The following OOSP4A variants were observed in gnomAD, a reference collection of about 807,000 sequenced individuals.
OOSP4A encodes oocyte secreted protein family member 4A, also known as oocyte-secreted protein 4A.
intron 2 of OOSP4A, among the ~76,000 whole-genome samples, 167 bp from the exon 3 acceptor site, chr11:59,966,900 C>T (rs374843108): frequency 7.9e-5 from 12 of 152,200 alleles, no homozygotes; most frequent in Admixed American, 5.2e-4. Context: ...ATTTTTATCA[C>T]TTAGCTCTGC....
intron 3 of OOSP4A, 112 bp from the exon 4 acceptor site, chr11:59,969,038 C>G: frequency 2.5e-6 from 1 of 394,910 alleles, no homozygotes; most frequent in Non-Finnish European, 4.5e-6. Context: ...GGCATTCTCT[C>G]ACAGCTGGAA....
rs1854110700 is a variant in OOSP4A, at chr11:59,967,282, T to C, written c.344+118T>C. 7.6e-6 allele frequency: 3 copies of C among 392,818 alleles called. No individual in the cohort carries two copies. The East Asian group carries it at 1.1e-4, about 14-fold the overall frequency. 24.3% of individuals were successfully genotyped at this position (392,818 alleles called of 1,614,324 possible). A position where few individuals can be genotyped will look rare whatever the true frequency, so the allele number is the denominator to read the frequency against. On this transcript the variant is annotated intron_variant, in intron 3 of 4. Transcript: ENST00000645590. ...AGGTTGGACATTGGATCAAATCTGA[T>C]CTATGGTGTTCTGTTGGTCATGTGA...
Position 59,967,248 on chromosome 11 carries a change from A to G in OOSP4A, c.344+84A>G, listed in dbSNP as rs1028595305. The stretch of plus-strand genomic sequence containing the variant: ...GTTCTGATCAGTTAAACTGCTGAAC[A>G]TTATGCTAAGGTTGGACATTGGATC... On this transcript the variant is annotated intron_variant, in intron 3 of 4. Transcript: ENST00000645590. 3.0e-5 allele frequency: 12 copies of G among 394,708 alleles called. No homozygotes were observed. The Middle Eastern group carries it at 2.6e-3, about 84-fold the overall frequency. The allele number at this position is 394,708 out of a possible 1,614,324, so 24.5% of individuals were successfully genotyped here.
intron 2 of OOSP4A, among the ~76,000 whole-genome samples, chr11:59,966,135 G>A (rs1199564547): frequency 6.6e-6 from 1 of 151,330 alleles, no homozygotes; most frequent in Admixed American, 6.6e-5. Context: ...GTATTAATAA[G>A]AGAGAAATCA....
intron 1 of OOSP4A, 53 bp from the exon 2 acceptor site, chr11:59,965,482 T>TGG (rs778238155): frequency 7.5e-6 from 3 of 398,136 alleles, no homozygotes; most frequent in Non-Finnish European, 1.3e-5. Context: ...GTTCTTTGTT[T>TGG]GGGGGCAGAC....
chr11:59,964,864 C>A (rs1014845484), intron 1 of OOSP4A, among the ~76,000 whole-genome samples: 2 of 151,878 alleles, frequency 1.3e-5, no homozygotes, highest in African/African-American at 4.8e-5. Flanking sequence ...TTGTGTGCAG[C>A]CAAATGTAAA....
Position 59,964,168 on chromosome 11 carries a change from T to A in OOSP4A, c.67+69T>A, listed in dbSNP as rs1228132535. 590 of 357,040 alleles carry A rather than the reference T, an allele frequency of 1.7e-3. 4 individuals are homozygous for A. Among genetic ancestry groups the A allele is most frequent in the African/African-American group, 0.013 (541 of 43,046 alleles). 22.1% of individuals were successfully genotyped at this position (357,040 alleles called of 1,614,324 possible). ...CAGGGCTTTTTTTTTTTTTTTTTTT[T>A]AACATATTGTTGACTTTGGGAGTTT... On this transcript the variant is annotated intron_variant, in intron 1 of 4. Coordinates refer to ENST00000645590, the Ensembl canonical transcript of OOSP4A.
chr11:59,965,504 T>G, intron 1 of OOSP4A, 31 bp from the exon 2 acceptor site: 1 of 398,400 alleles, frequency 2.5e-6, no homozygotes, highest in East Asian at 3.6e-5. Context: ...TACTATTTGA[T>G]GTTTTCCCTT....
intron 3 of OOSP4A, 138 bp from the exon 4 acceptor site, chr11:59,969,012 C>T: frequency 2.5e-6 from 1 of 392,972 alleles, no homozygotes; most frequent in Non-Finnish European, 4.5e-6. Context: ...TCATATTTGT[C>T]TCAGCTAGCT....
At chr11:59,964,459 G>T (rs996639275) in intron 1 of OOSP4A, among the ~76,000 whole-genome samples, 14 of 152,048 alleles carry the variant, frequency 9.2e-5, no homozygotes, top group Admixed American at 2.6e-4. Flanking sequence ...AAGAGAGGAG[G>T]TTACCTAGGT....
chr11:59,966,356 G>T (rs1401784151), intron 2 of OOSP4A, among the ~76,000 whole-genome samples: 1 of 150,968 alleles, frequency 6.6e-6, no homozygotes, highest in African/African-American at 2.4e-5. Context: ...AAAAAGTCTA[G>T]TATTTGGCAA....
intron 3 of OOSP4A, among the ~76,000 whole-genome samples, chr11:59,967,418 GT>G (rs1213157140): frequency 6.6e-6 from 1 of 152,154 alleles, no homozygotes; most frequent in Non-Finnish European, 1.5e-5. Flanking sequence ...ATGTCAGAAA[GT>G]TTTTGTTAGT....
intron 1 of OOSP4A, among the ~76,000 whole-genome samples, chr11:59,965,273 T>G (rs370664256): frequency 1.3e-5 from 2 of 152,182 alleles, no homozygotes; most frequent in East Asian, 3.8e-4. Flanking sequence ...GTTGTGCACA[T>G]GTACCCTAAA....
chr11:59,968,720 A>G lies in OOSP4A; in HGVS notation c.345-430A>G, dbSNP rs1006225309. 5.3e-5 allele frequency among the ~76,000 whole-genome samples: 8 copies of G among 152,156 alleles called. 1 individual carries two copies. Among genetic ancestry groups the G allele is most frequent in the Non-Finnish European group, 1.2e-4 (8 of 68,022 alleles). On this transcript the variant is annotated intron_variant, in intron 3 of 4. Coordinates refer to ENST00000645590, the Ensembl canonical transcript of OOSP4A. ...CTCTGTGTTGGAGAAGCTGATAGAAACACCTTTATTTGGCTTCATTAAGGG... is the reference window on the plus strand; with the variant it reads ...CTCTGTGTTGGAGAAGCTGATAGAAGCACCTTTATTTGGCTTCATTAAGGG...
chr11:59,964,147 G>T (rs1447992636), intron 1 of OOSP4A, 48 bp downstream of exon 1: 3 of 339,598 alleles, frequency 8.8e-6, no homozygotes, highest in Admixed American at 1.3e-4. Context: ...AATCAGCAGG[G>T]CTTTTTTTTT....
chr11:59,964,310 C>T (rs1854074443), intron 1 of OOSP4A, among the ~76,000 whole-genome samples: 1 of 152,020 alleles, frequency 6.6e-6, no homozygotes, highest in African/African-American at 2.4e-5. Context: ...AAGCTGATCT[C>T]AAGGTGCTGT....
At chr11:59,969,229 C>T (rs1328118050) in exon 4 of OOSP4A, 4 of 398,608 alleles carry the variant, frequency 1.0e-5, no homozygotes, top group Admixed American at 4.4e-5. Context: ...GGGACAGCAC[C>T]GCTCACTATC....
chr11:59,968,222 A>G (rs1052373775), intron 3 of OOSP4A, among the ~76,000 whole-genome samples: 1 of 152,208 alleles, frequency 6.6e-6, no homozygotes, highest in African/African-American at 2.4e-5. Context: ...TCATGGTTAC[A>G]TGGTGCAATT....
intron 2 of OOSP4A, among the ~76,000 whole-genome samples, chr11:59,966,032 C>T (rs1407962897): frequency 6.6e-6 from 1 of 151,888 alleles, no homozygotes; most frequent in Non-Finnish European, 1.5e-5. Context: ...TTGAGAGAAA[C>T]ATTTCGTTTT....
Sources: gnomAD v4.1 joint callset for allele counts (sites outside exome capture counted in the v4.1 genomes callset) on GRCh38, gnomAD v4.1.1 for gene constraint, MANE v1.5 for transcripts, NCBI Gene and HGNC (gene_info 2026-07-23, HGNC 2026-07-21) for gene names.